The following MUC5AC variants were observed in gnomAD, a reference collection of about 807,000 sequenced individuals.
MUC5AC encodes the protein mucin-5AC.
In MUC5AC, 158 loss-of-function variants were observed where a neutral mutation model predicts 169.7. The ratio of observed to expected loss-of-function variants is 0.93; its 90% CI spans 0.82 to 1.06. The LOEUF (loss-of-function observed/expected upper bound fraction) is 1.06. Among genes scored for constraint, MUC5AC ranks in the 50% least tolerant of loss-of-function variants. The probability of loss-of-function intolerance (pLI) is 0.00; values close to 1 mark genes in which losing one functional copy is unlikely to be tolerated. For synonymous variants in MUC5AC, 1,975 were observed against 1,237.0 expected (o/e 1.60, Z -12.52); for missense variants, 4,359 against 3,089.9 (o/e 1.41, Z -9.74).
chr11:1,196,203 A>G, intron 37 of MUC5AC, 149 bp downstream of exon 37: 2 of 624,590 alleles, frequency 3.2e-6, no homozygotes, highest in Non-Finnish European at 5.7e-6. Flanking sequence ...AGTTCCCTGG[A>G]GAGAAGGGAG....
chr11:1,178,573 G>C lies in MUC5AC; in HGVS notation c.3217G>C (p.Asp1073His). The C allele has an allele frequency of 7.1e-7, 1 of 1,408,312 alleles. No individual in the cohort carries two copies. Among genetic ancestry groups the C allele is most frequent in the East Asian group, 2.7e-5 (1 of 36,646 alleles). The allele number at this position is 1,408,312 out of a possible 1,614,324, so 87.2% of individuals were successfully genotyped here. ...CTGGAAGCTCTCCCCCTCCTGCCCA[G>C]ATGCCCTGGCGCCCAAGGACCCCTG... is the stretch of plus-strand genomic sequence containing the variant. ...NSWKLSPSCP[D>H]ALAPKDPCTA... The change falls in exon 25 of 49, where the codon GAT becomes CAT. Residue 1073 changes from aspartate to histidine, a missense_variant. Transcript: ENST00000621226.
Position 1,177,005 on chromosome 11 carries a change from A to C in MUC5AC, c.2732A>C (p.Tyr911Ser), listed in dbSNP as rs2133745357. Residue 911 changes from tyrosine (Y) to serine (S), a missense_variant, in exon 22 of 49, where the codon TAC (tyrosine) becomes TCC (serine). Transcript: ENST00000621226. Reference sequence around the variant, plus strand: ...TGCGCCGTGTACGGGGACGGCCACTACCTCACCTTCGACGGACAGAGCTAC... The same window carrying C: ...TGCGCCGTGTACGGGGACGGCCACTCCCTCACCTTCGACGGACAGAGCTAC... ...ATCAVYGDGH[Y>S]LTFDGQSYSF... 2.5e-6 allele frequency: 1 copy of C among 398,880 alleles called. No homozygotes were observed. The highest frequency in any genetic ancestry group is 3.6e-5 in the East Asian group (1 of 28,076). The allele number at this position is 398,880 out of a possible 1,614,324, so 24.7% of individuals were successfully genotyped here. A position where few individuals can be genotyped will look rare whatever the true frequency, so the allele number is the denominator to read the frequency against.
rs1363726813 is a variant in MUC5AC, at chr11:1,180,033, G to A, written c.3496G>A (p.Asp1166Asn). The A allele has an allele frequency of 4.8e-5, 19 of 398,860 alleles. No individual in the cohort carries two copies. Among genetic ancestry groups the A allele is most frequent in the African/African-American group, 1.2e-4 (6 of 48,608 alleles). The allele number at this position is 398,860 out of a possible 1,614,324, so 24.7% of individuals were successfully genotyped here. Residue 1166 changes from aspartate to asparagine, a missense_variant, in exon 27 of 49, where the codon GAC (aspartate) becomes AAC (asparagine). By Grantham distance (23) the Asp-to-Asn change is conservative. Transcript: ENST00000621226. ...CTTCCTCCCTGCAGCTCTGTTCTGC[G>A]ACTACTACAACCCCGAAGGCCAGTG... ...RTPSICPLFCDYYNPEGQCEW... is the reference protein window; with the variant it reads ...RTPSICPLFCNYYNPEGQCEW...
In MUC5AC at chr11:1,164,010, A is replaced by G. The variant is rs1399885151; in HGVS notation, c.789+19A>G. 2 of 1,609,238 alleles carry G rather than the reference A, an allele frequency of 1.2e-6. No homozygotes were observed. The highest frequency in any genetic ancestry group is 2.2e-5 in the South Asian group (2 of 90,660). On this transcript the variant is annotated intron_variant, in intron 7 of 48. Transcript: ENST00000621226. ...TGGCTTTGTAAGCCTTGGAGGGAAC[A>G]GAGGGCCCAGCAGGTTGAGCAGGAG...
intron 1 of MUC5AC, among the ~76,000 whole-genome samples, 156 bp downstream of exon 1, chr11:1,158,228 G>A (rs903190444): frequency 9.2e-5 from 14 of 152,246 alleles, no homozygotes; most frequent in Non-Finnish European, 1.5e-4. Flanking sequence ...GGCCACGAAC[G>A]AGCAGTTTCC....
chr11:1,197,478 C>G lies in MUC5AC; in HGVS notation c.15872C>G (p.Thr5291Ser), dbSNP rs1181720839. 2 of 713,256 alleles carry G rather than the reference C, an allele frequency of 2.8e-6. No homozygotes were observed. Among genetic ancestry groups the G allele is most frequent in the South Asian group, 2.9e-5 (2 of 68,156 alleles). 44.2% of individuals were successfully genotyped at this position (713,256 alleles called of 1,614,324 possible). A position where few individuals can be genotyped will look rare whatever the true frequency, so the allele number is the denominator to read the frequency against. Residue 5291 changes from threonine to serine, a missense_variant, in exon 41 of 49, where the codon ACC becomes AGC. Thr to Ser is a moderately conservative substitution (Grantham distance 58). Transcript: ENST00000621226. ...TCCCCTTCCTTGCAGGTGGGCCACACCGTCGGCATGGACTGCCAGGAGTGC... is the reference window on the plus strand; with the variant it reads ...TCCCCTTCCTTGCAGGTGGGCCACAGCGTCGGCATGGACTGCCAGGAGTGC... ...PHGEPVKVGH[T>S]VGMDCQECTC...
Position 1,190,681 on chromosome 11 carries a change from C to T in MUC5AC, c.12536C>T (p.Ser4179Phe), listed in dbSNP as rs1231032218. The T allele has an allele frequency of 4.3e-6, 3 of 694,924 alleles. No homozygotes were observed. Among genetic ancestry groups the T allele is most frequent in the Non-Finnish European group, 7.9e-6 (3 of 380,412 alleles). The allele number at this position is 694,924 out of a possible 1,614,324, so 43.0% of individuals were successfully genotyped here. ...TNSAPTTSTI[S>F]ASTTSTISAP... ...TCTGCTCCTACAACCAGCACAATCTCTGCCTCTACAACCAGCACAATCTCT... is the reference window on the plus strand; with the variant it reads ...TCTGCTCCTACAACCAGCACAATCTTTGCCTCTACAACCAGCACAATCTCT... The change falls in exon 31 of 49, where the codon TCT (serine) becomes TTT (phenylalanine). Residue 4179 changes from serine (S) to phenylalanine (F), a missense_variant. Coordinates refer to ENST00000621226, the MANE Select transcript of MUC5AC (RefSeq NM_001304359.2).
At chr11:1,159,421 C>T (rs1205300741) in intron 1 of MUC5AC, among the ~76,000 whole-genome samples, 1 of 146,076 alleles carries the variant, frequency 6.8e-6, no homozygotes, top group Non-Finnish European at 1.5e-5. Context: ...CTGGGCGGGG[C>T]TGTGCGGGGT....
At position 1,189,966 on chromosome 11, in the gene MUC5AC, T is replaced by A; in HGVS notation, c.11821T>A (p.Ser3941Thr). The change falls in exon 31 of 49, where the codon TCC becomes ACC. Residue 3941 changes from serine to threonine, a missense_variant. By Grantham distance (58) the Ser-to-Thr change is moderately conservative. Coordinates refer to ENST00000621226, the MANE Select transcript of MUC5AC (RefSeq NM_001304359.2). ...GACCAGCACAAGCCATGTTTCTGTATCCAAGACAACCCACTCCCAACCAGT... is the reference window on the plus strand; with the variant it reads ...GACCAGCACAAGCCATGTTTCTGTAACCAAGACAACCCACTCCCAACCAGT... Reference protein sequence around the residue: ...SKTSTSHVSVSKTTHSQPVTR... With the variant: ...SKTSTSHVSVTKTTHSQPVTR... 1 of 765,118 alleles carries A rather than the reference T, an allele frequency of 1.3e-6. No homozygotes were observed. Among genetic ancestry groups the A allele is most frequent in the Non-Finnish European group, 2.4e-6 (1 of 417,882 alleles). The allele number at this position is 765,118 out of a possible 1,614,324, so 47.4% of individuals were successfully genotyped here.
At chr11:1,200,013 G>A in intron 48 of MUC5AC, 44 bp downstream of exon 48, 4 of 701,306 alleles carry the variant, frequency 5.7e-6, no homozygotes, top group Non-Finnish European at 1.0e-5. Flanking sequence ...TTGGCTGTGG[G>A]GTGCAGTCAG....
chr11:1,190,571 A>G lies in MUC5AC; in HGVS notation c.12426A>G (p.Thr4142=), dbSNP rs1590147857. Residue 4142 remains threonine, a synonymous_variant, in exon 31 of 49, where the codon ACA becomes ACG. Coordinates refer to ENST00000621226, the MANE Select transcript of MUC5AC (RefSeq NM_001304359.2). The part of the protein sequence containing the change: ...APTTSTTSAP[T]HRTTSGPTTS... ...CAACCAGCACGACCTCAGCTCCTACACACAGAACGACTTCTGGTCCTACAA... is the reference window on the plus strand; with the variant it reads ...CAACCAGCACGACCTCAGCTCCTACGCACAGAACGACTTCTGGTCCTACAA... 5.6e-5 allele frequency: 39 copies of G among 696,666 alleles called. No homozygotes were observed. In the East Asian group the frequency reaches 1.0e-3, roughly 19 times the overall value. 43.2% of individuals were successfully genotyped at this position (696,666 alleles called of 1,614,324 possible). A position where few individuals can be genotyped will look rare whatever the true frequency, so the allele number is the denominator to read the frequency against.
chr11:1,171,755 A>G (rs1379099965), intron 15 of MUC5AC, among the ~76,000 whole-genome samples: 2 of 94,634 alleles, frequency 2.1e-5, no homozygotes, highest in African/African-American at 4.3e-5. Context: ...CCACTCACCC[A>G]CTCAACACTC....
At chr11:1,175,686 A>AACACT (rs1860659316) in intron 19 of MUC5AC, among the ~76,000 whole-genome samples, 1 of 145,938 alleles carries the variant, frequency 6.9e-6, no homozygotes, top group Admixed American at 6.8e-5. Flanking sequence ...CCACTCATGC[A>AACACT]CACACACCCA....
intron 42 of MUC5AC, 49 bp downstream of exon 42, chr11:1,198,053 C>T: frequency 1.6e-6 from 1 of 639,792 alleles, no homozygotes; most frequent in Non-Finnish European, 2.8e-6. Flanking sequence ...CTGGGGTCTC[C>T]ACCTGGGATT....
chr11:1,163,098 G>C, intron 6 of MUC5AC, 53 bp downstream of exon 6: 1 of 1,526,002 alleles, frequency 6.6e-7, no homozygotes, highest in Non-Finnish European at 9.1e-7. Flanking sequence ...TGGGGGCTCA[G>C]TGTTGTGTGC....
At position 1,199,365 on chromosome 11, in the gene MUC5AC, C is replaced by G. The variant is rs1270008173; in HGVS notation, c.16396-6C>G. ...TCACTCACCCCGGGGCCTGGCCTCC[C>G]TCCAGCCCGGCGAGACCTGGTCAGA... On this transcript the variant is annotated splice_region_variant and splice_polypyrimidine_tract_variant and intron_variant, in intron 45 of 48. Coordinates refer to ENST00000621226, the MANE Select transcript of MUC5AC (RefSeq NM_001304359.2). 2 of 710,442 alleles carry G rather than the reference C, an allele frequency of 2.8e-6. No individual in the cohort carries two copies. The highest frequency in any genetic ancestry group is 5.3e-5 in the East Asian group (2 of 37,790). 44.0% of individuals were successfully genotyped at this position (710,442 alleles called of 1,614,324 possible).
At position 1,185,139 on chromosome 11, in the gene MUC5AC, A is replaced by G; in HGVS notation, c.6994A>G (p.Thr2332Ala). 1.4e-6 allele frequency: 1 copy of G among 728,322 alleles called. No homozygotes were observed. The highest frequency in any genetic ancestry group is 1.4e-5 in the South Asian group (1 of 69,772). 45.1% of individuals were successfully genotyped at this position (728,322 alleles called of 1,614,324 possible). The change falls in exon 31 of 49, where the codon ACA becomes GCA. Residue 2332 changes from threonine (T) to alanine (A), a missense_variant. Transcript: ENST00000621226. Reference protein sequence around the residue: ...TSITSAPTTSTTSAPTSSTTS... With the variant: ...TSITSAPTTSATSAPTSSTTS... ...CATAACCTCTGCCCCTACAACCAGC[A>G]CAACCTCTGCCCCTACAAGCAGCAC...
intron 48 of MUC5AC, 97 bp from the exon 49 acceptor site, chr11:1,200,341 G>C: frequency 3.3e-6 from 2 of 608,008 alleles, no homozygotes; most frequent in Admixed American, 2.8e-5. Context: ...CAGGAGCAGG[G>C]AACACGATGA....
chr11:1,199,585 C>G (rs968577553), intron 46 of MUC5AC, 95 bp downstream of exon 46: 2 of 692,148 alleles, frequency 2.9e-6, no homozygotes, highest in East Asian at 2.7e-5. Flanking sequence ...GCAGACACCC[C>G]CTCCTGCTTG....
Sources: allele counts gnomAD v4.1 joint callset (sites outside exome capture counted in the v4.1 genomes callset), GRCh38; gene constraint gnomAD v4.1.1; transcripts MANE v1.5; gene names NCBI Gene and HGNC (gene_info 2026-07-23, HGNC 2026-07-21).